The following TNKS variants were observed in gnomAD, a reference collection of about 807,000 sequenced individuals.
TNKS encodes tankyrase.
Under a neutral mutation model 135.8 loss-of-function variants are expected in TNKS, and 72 were observed. The observed-to-expected ratio is 0.53, with a 90% confidence interval of 0.44 to 0.64. The LOEUF (loss-of-function observed/expected upper bound fraction) is 0.64, where lower values mean the gene tolerates loss of function less well. Among genes scored for constraint, TNKS ranks in the 30% least tolerant of loss-of-function variants. The pLI, the probability that TNKS is intolerant of heterozygous loss-of-function variation, is 0.00. For synonymous variants in TNKS, 849 were observed against 649.3 expected (o/e 1.31, Z -4.68); for missense variants, 1,769 against 1,674.0 (o/e 1.06, Z -0.99).
intron 3 of TNKS, among the ~76,000 whole-genome samples, chr8:9,674,256 G>T (rs1441424823): frequency 6.6e-6 from 1 of 152,158 alleles, no homozygotes; most frequent in Non-Finnish European, 1.5e-5. Context: ...GTAAAATGAA[G>T]GTTCTGTGAA....
At chr8:9,687,180 A>G (rs1475990844) in intron 5 of TNKS, among the ~76,000 whole-genome samples, 1 of 152,192 alleles carries the variant, frequency 6.6e-6, no homozygotes, top group Non-Finnish European at 1.5e-5. Context: ...ATCTTGGTAG[A>G]TAAAAGGTCA....
rs754525435 is a variant in TNKS, at chr8:9,761,695, G to T, written c.3274+59G>T. ...AATCAGTGGTACAAGGTAAGTATTG[G>T]GGCTGATAATTGAACTCAGGCAGTC... On this transcript the variant is annotated intron_variant, in intron 21 of 26. Transcript: ENST00000310430. 1.4e-4 allele frequency: 210 copies of T among 1,548,380 alleles called. 2 individuals are homozygous for T. The highest frequency in any genetic ancestry group is 2.1e-4 in the East Asian group (9 of 43,522).
chr8:9,581,549 T>C (rs948242362), intron 2 of TNKS, among the ~76,000 whole-genome samples: 11 of 152,332 alleles, frequency 7.2e-5, no homozygotes, highest in Admixed American at 2.0e-4. Flanking sequence ...CTTATGTTAC[T>C]TGCTTTTGTA....
intron 21 of TNKS, among the ~76,000 whole-genome samples, chr8:9,761,947 A>G (rs1316678263): frequency 6.6e-6 from 1 of 152,196 alleles, no homozygotes; most frequent in Non-Finnish European, 1.5e-5. Context: ...CACCTGGTTT[A>G]TCTCCAGCCT....
chr8:9,689,061 T>G (rs997458349), intron 5 of TNKS, among the ~76,000 whole-genome samples: 1 of 152,156 alleles, frequency 6.6e-6, no homozygotes, highest in Non-Finnish European at 1.5e-5. Flanking sequence ...TGCTATCATA[T>G]TGGGGGTTGG....
At chr8:9,741,684 G>A (rs746539852) in intron 17 of TNKS, 1 of 525,440 alleles carries the variant, frequency 1.9e-6, no homozygotes. Flanking sequence ...CTTACTCTAC[G>A]TGTGTGTCAC....
At chr8:9,742,253 T>C (rs988159186) in intron 17 of TNKS, among the ~76,000 whole-genome samples, 1 of 152,178 alleles carries the variant, frequency 6.6e-6, no homozygotes, top group Admixed American at 6.5e-5. Flanking sequence ...CATCCGTGAG[T>C]TGATGACTGT....
intron 17 of TNKS, among the ~76,000 whole-genome samples, chr8:9,735,918 A>G (rs910684497): frequency 1.3e-5 from 2 of 152,094 alleles, no homozygotes; most frequent in African/African-American, 4.8e-5. Flanking sequence ...ATGATTTAGC[A>G]TAATTTTAAT....
chr8:9,693,268 A>T (rs557305836), intron 5 of TNKS, among the ~76,000 whole-genome samples: 25 of 152,198 alleles, frequency 1.6e-4, no homozygotes, highest in Non-Finnish European at 3.2e-4. Flanking sequence ...ACAGATATGT[A>T]CTAATATTAA....
chr8:9,593,228 G>A (rs191967414), intron 2 of TNKS, among the ~76,000 whole-genome samples: 1 of 152,162 alleles, frequency 6.6e-6, no homozygotes. Context: ...AAAGGACTTA[G>A]CCAAGCAGTG....
intron 1 of TNKS, among the ~76,000 whole-genome samples, chr8:9,570,955 T>TA (rs1461255864): frequency 6.6e-6 from 1 of 152,128 alleles, no homozygotes; most frequent in African/African-American, 2.4e-5. Flanking sequence ...GGCAATAGAG[T>TA]AAGACCTGTC....
At chr8:9,693,203 T>G (rs1235468765) in intron 5 of TNKS, among the ~76,000 whole-genome samples, 3 of 152,190 alleles carry the variant, frequency 2.0e-5, no homozygotes, top group Non-Finnish European at 2.9e-5. Context: ...ACTAAATAAT[T>G]ATGGTACAGC....
intron 20 of TNKS, among the ~76,000 whole-genome samples, chr8:9,754,214 G>A (rs575158504): frequency 6.6e-6 from 1 of 152,082 alleles, no homozygotes; most frequent in African/African-American, 2.4e-5. Context: ...TCATTTTGAG[G>A]GCCACCATTC....
intron 2 of TNKS, among the ~76,000 whole-genome samples, chr8:9,598,075 A>G (rs1397606320): frequency 6.6e-6 from 1 of 152,160 alleles, no homozygotes; most frequent in Non-Finnish European, 1.5e-5. Flanking sequence ...AGTCTGTTGA[A>G]TCAGTTGTCA....
At chr8:9,742,847 CA>C (rs1333583243) in intron 17 of TNKS, among the ~76,000 whole-genome samples, 2 of 150,578 alleles carry the variant, frequency 1.3e-5, no homozygotes, top group Non-Finnish European at 1.5e-5. Flanking sequence ...TAAATACATA[CA>C]TTTATATATT....
rs1267772328 is a variant in TNKS, at chr8:9,651,245, T to A, written c.995-28706T>A. 4.6e-5 allele frequency among the ~76,000 whole-genome samples: 7 copies of A among 152,312 alleles called. 1 individual carries two copies. The South Asian group carries it at 1.2e-3, about 27-fold the overall frequency. On this transcript the variant is annotated intron_variant, in intron 3 of 26. Transcript: ENST00000310430. ...TGGGGCTCACTTCTGTTGGTTTTTTTAATCTTTAATTGTGTAATATATATA... is the reference window on the plus strand; with the variant it reads ...TGGGGCTCACTTCTGTTGGTTTTTTAAATCTTTAATTGTGTAATATATATA...
chr8:9,747,988 A>G (rs1806321627), intron 17 of TNKS, 36 bp from the exon 18 acceptor site: 1 of 1,566,480 alleles, frequency 6.4e-7, no homozygotes, highest in South Asian at 1.2e-5. Flanking sequence ...AGATGATCTC[A>G]TTCTTAACTC....
At chr8:9,771,717 GAGGA>G (rs1807886118) in intron 26 of TNKS, among the ~76,000 whole-genome samples, 1 of 133,280 alleles carries the variant, frequency 7.5e-6, no homozygotes, top group Admixed American at 7.5e-5. Flanking sequence ...GAAAGCGAGA[GAGGA>G]AGGAACAGGG....
chr8:9,633,720 G>A (rs1485884623), intron 3 of TNKS, among the ~76,000 whole-genome samples: 1 of 152,186 alleles, frequency 6.6e-6, no homozygotes, highest in Non-Finnish European at 1.5e-5. Flanking sequence ...GCAGCAAACT[G>A]CCATATTGTA....
Sources: allele counts gnomAD v4.1 joint callset (sites outside exome capture counted in the v4.1 genomes callset), GRCh38; gene constraint gnomAD v4.1.1; transcripts MANE v1.5; gene names NCBI Gene and HGNC (gene_info 2026-07-23, HGNC 2026-07-21).